Variants in RANBP3 observed in about 807,000 individuals in gnomAD.
RANBP3 encodes the protein ran-binding protein 3.
A neutral mutation model predicts 77.3 loss-of-function variants in RANBP3; 14 were observed. That is an observed-to-expected ratio of 0.18 (90% CI 0.12 to 0.28). The LOEUF (loss-of-function observed/expected upper bound fraction) is 0.28, where lower values mean the gene tolerates loss of function less well. Ranked by LOEUF, RANBP3 falls within the 10% of genes least tolerant of loss-of-function variation. The pLI, the probability that RANBP3 is intolerant of heterozygous loss-of-function variation, is 1.00. For synonymous variants in RANBP3, 315 were observed against 312.4 expected, an observed-to-expected ratio of 1.01 and a Z score of -0.09; for missense variants, 586 against 752.3, an observed-to-expected ratio of 0.78 and a Z score of 2.59.
chr19:5,956,719 G>A (rs1325273542), intron 2 of RANBP3, among the ~76,000 whole-genome samples: 1 of 152,120 alleles, frequency 6.6e-6, no homozygotes, highest in Non-Finnish European at 1.5e-5. Context: ...ACATTGCTCA[G>A]GAAAACCGGG....
Position 5,957,954 on chromosome 19 carries a change from C to G in RANBP3, c.42G>C (p.Pro14=). The G allele has an allele frequency of 1.2e-6, 2 of 1,614,158 alleles. No individual in the cohort carries two copies. Among genetic ancestry groups the G allele is most frequent in the African/African-American group, 2.7e-5 (2 of 75,022 alleles). Residue 14 remains proline, a synonymous_variant, in exon 2 of 17, where the codon CCG becomes CCC. Coordinates refer to ENST00000340578, the MANE Select transcript of RANBP3 (RefSeq NM_007322.3). ...LANEEKPAIA[P]PVFVFQKDKG... is the part of the protein sequence containing the mutation. ...TATCCTTCTGAAACACAAAGACGGG[C>G]GGAGCAATGGCAGGCTTTTCTGCAA...
intron 8 of RANBP3, among the ~76,000 whole-genome samples, chr19:5,929,022 G>A (rs988278443): frequency 1.3e-5 from 2 of 152,242 alleles, no homozygotes; most frequent in South Asian, 2.1e-4. Context: ...CGTGAACTCG[G>A]AGGTGAGAAA....
chr19:5,930,346 G>A (rs966457068), intron 8 of RANBP3, among the ~76,000 whole-genome samples: 4 of 152,216 alleles, frequency 2.6e-5, no homozygotes, highest in African/African-American at 9.6e-5. Flanking sequence ...ACTGGGGATG[G>A]AGGGTATAAA....
chr19:5,959,159 C>T lies in RANBP3; in HGVS notation c.23-1186G>A, dbSNP rs1338697421. 6.6e-6 allele frequency among the ~76,000 whole-genome samples: 1 copy of T among 151,868 alleles called. No homozygotes were observed. The highest frequency in any genetic ancestry group is 1.9e-4 in the East Asian group (1 of 5,140). On this transcript the variant is annotated intron_variant, in intron 1 of 16. Transcript: ENST00000340578. The surrounding 1 kb of genome is among the most constrained non-coding windows in gnomAD (Gnocchi z 5.1). ...AGCAGCAGCTTGAAGTCACAGCTTG[C>T]GGGGTGATGGGGCCAGGGGCAGGCG...
At chr19:5,919,432 G>C (rs2057788746) in intron 14 of RANBP3, among the ~76,000 whole-genome samples, 2 of 152,200 alleles carry the variant, frequency 1.3e-5, no homozygotes, top group South Asian at 4.1e-4. Flanking sequence ...GAGGCCGAGT[G>C]GGAGAAAGAC....
intron 1 of RANBP3, among the ~76,000 whole-genome samples, chr19:5,976,849 A>T (rs1599815302): frequency 6.6e-6 from 1 of 152,238 alleles, no homozygotes; most frequent in African/African-American, 2.4e-5. Context: ...CAGAATCTGC[A>T]GGGACTGAGC....
intron 1 of RANBP3, among the ~76,000 whole-genome samples, chr19:5,961,337 G>A (rs1031712350): frequency 6.6e-6 from 1 of 152,066 alleles, no homozygotes. Context: ...CAGCAACTCG[G>A]GAGGCTGAGC....
At chr19:5,932,318 C>T in intron 7 of RANBP3, 134 bp downstream of exon 7, 2 of 720,428 alleles carry the variant, frequency 2.8e-6, no homozygotes, top group Non-Finnish European at 4.7e-6. Flanking sequence ...TTTAAAGGAT[C>T]ATCTTCCCTG....
intron 3 of RANBP3, among the ~76,000 whole-genome samples, chr19:5,944,773 T>G (rs370106252): frequency 3.9e-5 from 6 of 152,270 alleles, no homozygotes; most frequent in East Asian, 1.9e-4. Flanking sequence ...AGTCCTCCCA[T>G]CCATTCCTAA....
chr19:5,962,312 A>AG (rs2058413710), intron 1 of RANBP3, among the ~76,000 whole-genome samples: 1 of 152,102 alleles, frequency 6.6e-6, no homozygotes, highest in African/African-American at 2.4e-5. Flanking sequence ...ACTGAAAGGG[A>AG]GGGGCGTGTT....
chr19:5,974,729 C>T (rs1299366380), intron 1 of RANBP3, among the ~76,000 whole-genome samples: 1 of 152,116 alleles, frequency 6.6e-6, no homozygotes. Context: ...GGGTCTCAAC[C>T]CTGCCTGCAC....
At chr19:5,931,724 A>G (rs1162320082) in intron 7 of RANBP3, among the ~76,000 whole-genome samples, 193 bp from the exon 8 acceptor site, 1 of 152,144 alleles carries the variant, frequency 6.6e-6, no homozygotes, top group Non-Finnish European at 1.5e-5. Flanking sequence ...AAAAAAAAAC[A>G]AGAGAAACAA....
chr19:5,942,615 C>G (rs1014473156), intron 3 of RANBP3, among the ~76,000 whole-genome samples: 2 of 150,684 alleles, frequency 1.3e-5, no homozygotes, highest in Admixed American at 1.3e-4. Flanking sequence ...GCACAAGAAT[C>G]GCTTGAGCCC....
rs1599718991 is a variant in RANBP3, at chr19:5,921,939, G to A, written c.1210-618C>T. 2.6e-5 allele frequency among the ~76,000 whole-genome samples: 4 copies of A among 152,284 alleles called. No individual in the cohort carries two copies. In the South Asian group the frequency reaches 8.3e-4, roughly 32 times the overall value. On this transcript the variant is annotated intron_variant, in intron 13 of 16. Coordinates refer to ENST00000340578, the MANE Select transcript of RANBP3 (RefSeq NM_007322.3). The surrounding 1 kb of genome is among the most constrained non-coding windows in gnomAD (Gnocchi z 5.3). ...ACCTCTGGCTCAGCGAGAGAAGCCA[G>A]ACACGAAAGGCCACATAGTGCGTTG...
intron 1 of RANBP3, among the ~76,000 whole-genome samples, chr19:5,966,828 A>T (rs1281580323): frequency 2.0e-5 from 3 of 152,358 alleles, no homozygotes; most frequent in African/African-American, 7.2e-5. Flanking sequence ...CTCCTGACCA[A>T]ACTGTCAGCA....
intron 3 of RANBP3, among the ~76,000 whole-genome samples, chr19:5,947,260 G>C (rs1217549921): frequency 6.7e-6 from 1 of 149,960 alleles, no homozygotes; most frequent in Non-Finnish European, 1.5e-5. Flanking sequence ...CTTGCAGTGA[G>C]CCCAGATGGC....
chr19:5,949,164 G>A (rs1350620128), intron 3 of RANBP3, among the ~76,000 whole-genome samples: 1 of 152,164 alleles, frequency 6.6e-6, no homozygotes, highest in Non-Finnish European at 1.5e-5. Flanking sequence ...GACCTGCCGG[G>A]TAACATGGGG....
At chr19:5,923,936 C>A in intron 11 of RANBP3, 22 bp from the exon 12 acceptor site, 6 of 1,583,502 alleles carry the variant, frequency 3.8e-6, no homozygotes, top group Non-Finnish European at 5.2e-6. Flanking sequence ...CAAAAGCATA[C>A]AAGGAAGAGG....
rs2057747536 is a variant in RANBP3 at position 5,917,061 on chromosome 19, G to A, written c.*549C>T. ...ATACACCCCCAATCAGAGAGGGGAA[G>A]TGGGAAATGAAGATAGTAGTTAACA... On this transcript the variant is annotated 3_prime_UTR_variant, in exon 17 of 17. Coordinates refer to ENST00000340578, the MANE Select transcript of RANBP3 (RefSeq NM_007322.3). 1 of 158,316 alleles carries A rather than the reference G, an allele frequency of 6.3e-6. No individual in the cohort carries two copies. Among genetic ancestry groups the A allele is most frequent in the Admixed American group, 6.5e-5 (1 of 15,406 alleles). 9.8% of individuals were successfully genotyped at this position (158,316 alleles called of 1,614,324 possible).
Sources: gnomAD v4.1 joint callset for allele counts (sites outside exome capture counted in the v4.1 genomes callset) on GRCh38, gnomAD v4.1.1 for gene constraint, Gnocchi (gnomAD v3.1) non-coding constraint, MANE v1.5 for transcripts, NCBI Gene and HGNC (gene_info 2026-07-23, HGNC 2026-07-21) for gene names.